EIPR1: variants seen among roughly 807,000 people sequenced by gnomAD.
The protein encoded by EIPR1 is EARP complex and GARP complex interacting protein 1, also known as EARP and GARP complex-interacting protein 1.
A neutral mutation model predicts 48.1 loss-of-function variants in EIPR1; 25 were observed. The observed-to-expected ratio is 0.52, with a 90% confidence interval of 0.38 to 0.73. The LOEUF (loss-of-function observed/expected upper bound fraction) is 0.73, where lower values mean the gene tolerates loss of function less well. EIPR1 is among the 30% of genes least tolerant of loss of function. The pLI is 0.00. For missense variants in EIPR1, 415 were observed against 506.2 expected, an observed-to-expected ratio of 0.82 and a Z score of 1.73; for synonymous variants, 204 against 201.9, an observed-to-expected ratio of 1.01 and a Z score of -0.09.
At chr2:3,214,059 C>T in intron 5 of EIPR1, 90 bp downstream of exon 5, 1 of 1,206,384 alleles carries the variant, frequency 8.3e-7, no homozygotes, top group South Asian at 1.3e-5. Context: ...TCCAAGTGAT[C>T]TCATTGTTCA....
At position 3,341,282 on chromosome 2, in the gene EIPR1, C is replaced by T. The variant is rs1572465076; in HGVS notation, c.127-3133G>A. Among the ~76,000 whole-genome samples the T allele has an allele frequency of 2.0e-5, 3 of 152,176 alleles. No individual in the cohort carries two copies. In the South Asian group the frequency reaches 6.2e-4, roughly 32 times the overall value. ...CCTTGTGCGATTACCTCAGGCAAAACCAACTGAGGTAACGACAGAGACCAT... is the reference window on the plus strand; with the variant it reads ...CCTTGTGCGATTACCTCAGGCAAAATCAACTGAGGTAACGACAGAGACCAT... On this transcript the variant is annotated intron_variant, in intron 2 of 8. Transcript: ENST00000382125.
At chr2:3,346,571 C>A (rs11127415) in intron 2 of EIPR1, among the ~76,000 whole-genome samples, 1 of 151,942 alleles carries the variant, frequency 6.6e-6, no homozygotes, top group African/African-American at 2.4e-5. Context: ...TGTCAGGGAT[C>A]GCAAGGTGTC....
At chr2:3,293,560 C>T (rs1373804925) in intron 3 of EIPR1, among the ~76,000 whole-genome samples, 1 of 152,228 alleles carries the variant, frequency 6.6e-6, no homozygotes, top group Non-Finnish European at 1.5e-5. Context: ...CCATCAGCCA[C>T]GACTGGACCA....
chr2:3,261,015 G>A (rs1031559559), intron 3 of EIPR1, among the ~76,000 whole-genome samples: 3 of 152,192 alleles, frequency 2.0e-5, no homozygotes, highest in Non-Finnish European at 4.4e-5. Context: ...ACTCTTAGAA[G>A]AAGCTGTCAC....
intron 3 of EIPR1, among the ~76,000 whole-genome samples, chr2:3,259,777 G>C (rs186548885): frequency 6.6e-6 from 1 of 152,228 alleles, no homozygotes; most frequent in Non-Finnish European, 1.5e-5. Flanking sequence ...CAGACCCTTA[G>C]AAAGATGGTC....
chr2:3,202,024 A>G (rs575879726), intron 5 of EIPR1, among the ~76,000 whole-genome samples: 8 of 152,088 alleles, frequency 5.3e-5, no homozygotes, highest in Non-Finnish European at 7.4e-5. Context: ...GCAAGCTCCA[A>G]TTCCCGGGGT....
At chr2:3,274,565 C>A in intron 3 of EIPR1, 1 of 1,172,642 alleles carries the variant, frequency 8.5e-7, no homozygotes, top group Non-Finnish European at 1.1e-6. Flanking sequence ...AAAAGCCTCA[C>A]TAAGGGAACT....
intron 3 of EIPR1, among the ~76,000 whole-genome samples, chr2:3,306,228 G>A (rs1391473413): frequency 6.6e-6 from 1 of 152,192 alleles, no homozygotes; most frequent in African/African-American, 2.4e-5. Flanking sequence ...GAACAGCGCT[G>A]TACACACCTT....
At chr2:3,373,036 T>C (rs1287249128) in intron 1 of EIPR1, among the ~76,000 whole-genome samples, 1 of 152,186 alleles carries the variant, frequency 6.6e-6, no homozygotes, top group Non-Finnish European at 1.5e-5. Context: ...TCCACCATGA[T>C]CAAGCGGGCT....
intron 3 of EIPR1, among the ~76,000 whole-genome samples, chr2:3,297,817 CTTCT>C (rs754954207): frequency 6.6e-6 from 1 of 152,146 alleles, no homozygotes; most frequent in Non-Finnish European, 1.5e-5. Flanking sequence ...CTTTGTCTTG[CTTCT>C]TTTTTTGTTC....
intron 3 of EIPR1, among the ~76,000 whole-genome samples, chr2:3,268,799 G>A (rs780217547): frequency 6.6e-6 from 1 of 152,198 alleles, no homozygotes; most frequent in Non-Finnish European, 1.5e-5. Flanking sequence ...TTCAAGCTCC[G>A]GTGATGTGGA....
chr2:3,209,158 A>C (rs1665349920), intron 5 of EIPR1, among the ~76,000 whole-genome samples: 1 of 152,164 alleles, frequency 6.6e-6, no homozygotes, highest in African/African-American at 2.4e-5. Context: ...TGAAAGTTGG[A>C]GAGAGAGGGC....
intron 2 of EIPR1, among the ~76,000 whole-genome samples, chr2:3,341,591 AAGGGTGTGTGTG>A (rs1670250856): frequency 6.7e-6 from 1 of 149,544 alleles, no homozygotes. Context: ...GTGTGTATGT[AAGGGTGTGTGTG>A]AGGGTCTGTG....
chr2:3,310,579 G>C (rs1669098702), intron 3 of EIPR1, among the ~76,000 whole-genome samples: 1 of 148,464 alleles, frequency 6.7e-6, no homozygotes, highest in Non-Finnish European at 1.5e-5. Context: ...CGTGAACCCG[G>C]GAGGCGGAGC....
At chr2:3,255,462 T>G (rs1403493381) in intron 4 of EIPR1, among the ~76,000 whole-genome samples, 3 of 152,202 alleles carry the variant, frequency 2.0e-5, no homozygotes, top group Non-Finnish European at 4.4e-5. Context: ...GGATTACAGG[T>G]GTGAGCCACT....
chr2:3,281,147 C>T (rs542931279), intron 3 of EIPR1, among the ~76,000 whole-genome samples: 3 of 152,262 alleles, frequency 2.0e-5, no homozygotes, highest in South Asian at 2.1e-4. Context: ...TTTCGGTACT[C>T]GAGGTCTGGC....
At chr2:3,357,214 G>A (rs1233192808) in intron 1 of EIPR1, among the ~76,000 whole-genome samples, 1 of 152,192 alleles carries the variant, frequency 6.6e-6, no homozygotes, top group Non-Finnish European at 1.5e-5. Context: ...ACCCCATGGA[G>A]CGTACTTTCA....
At chr2:3,213,547 T>C (rs914111608) in intron 5 of EIPR1, among the ~76,000 whole-genome samples, 2 of 152,212 alleles carry the variant, frequency 1.3e-5, no homozygotes, top group Non-Finnish European at 2.9e-5. Flanking sequence ...TTTACCCAAA[T>C]ATATTTTAAG....
At chr2:3,364,475 C>CA (rs918902891) in intron 1 of EIPR1, among the ~76,000 whole-genome samples, 27 of 147,642 alleles carry the variant, frequency 1.8e-4, no homozygotes, top group South Asian at 1.5e-3. Context: ...ACAAAAAATA[C>CA]AAAAAAAAAA....
Sources: allele counts gnomAD v4.1 joint callset (sites outside exome capture counted in the v4.1 genomes callset), GRCh38; gene constraint gnomAD v4.1.1; transcripts MANE v1.5; gene names NCBI Gene and HGNC (gene_info 2026-07-23, HGNC 2026-07-21).